TPM4: variants seen among roughly 807,000 people sequenced by gnomAD.
TPM4 encodes tropomyosin 4, also known as tropomyosin alpha-4 chain.
In TPM4, 17 loss-of-function variants were observed where a neutral mutation model predicts 35.8. That is an observed-to-expected ratio of 0.47 (90% CI 0.32 to 0.71). TPM4 has a LOEUF of 0.71. Ranked by LOEUF, TPM4 falls within the 30% of genes least tolerant of loss-of-function variation. The pLI is 0.03. For missense variants in TPM4, 240 were observed against 320.9 expected (o/e 0.75, Z 1.93); for synonymous variants, 120 against 122.9 (o/e 0.98, Z 0.15).
rs771854332 is a variant in TPM4 at position 16,095,262 on chromosome 19, A to C, written c.664+1509A>C. On this transcript the variant is annotated intron_variant, in intron 7 of 7. Transcript: ENST00000643579. Reference sequence around the variant, plus strand: ...GTCTCCCTGGGGACCTCCGCCCTCTAGATGAGTTATACGCTCAGAAGCTCA... The same window carrying C: ...GTCTCCCTGGGGACCTCCGCCCTCTCGATGAGTTATACGCTCAGAAGCTCA... 5.0e-5 allele frequency: 51 copies of C among 1,022,276 alleles called. No homozygotes were observed. The African/African-American group carries it at 8.5e-4, about 17-fold the overall frequency. 63.3% of individuals were successfully genotyped at this position (1,022,276 alleles called of 1,614,324 possible). A position where few individuals can be genotyped will look rare whatever the true frequency, so the allele number is the denominator to read the frequency against.
chr19:16,076,720 C>G (rs2090411415), intron 1 of TPM4, 23 bp downstream of exon 1: 2 of 1,315,538 alleles, frequency 1.5e-6, no homozygotes, highest in Non-Finnish European at 1.9e-6. Flanking sequence ...GCCTCGGGCC[C>G]CGCACCCGCA....
chr19:16,099,094 G>A (rs1599386511), intron 7 of TPM4, among the ~76,000 whole-genome samples: 1 of 151,866 alleles, frequency 6.6e-6, no homozygotes, highest in Admixed American at 6.6e-5. Context: ...GTGTGTGTGT[G>A]TGTGTGATGG....
intron 1 of TPM4, chr19:16,076,950 A>G (rs2090416049): frequency 1.4e-6 from 1 of 701,550 alleles, no homozygotes; most frequent in East Asian, 4.2e-5. Context: ...CCAAGCGGGA[A>G]ATGGGGGGAT....
In TPM4 at chr19:16,067,686, G is replaced by T; in HGVS notation, c.62G>T (p.Arg21Leu). The T allele has an allele frequency of 6.2e-7, 1 of 1,613,570 alleles. No individual in the cohort carries two copies. The highest frequency in any genetic ancestry group is 8.5e-7 in the Non-Finnish European group (1 of 1,179,852). ...TTGGACAAGGAGAATGCCATCGACC[G>T]CGCGGAGCAGGCGGAGGCGGATAAG... Residue 21 changes from arginine (R) to leucine (L), a missense_variant, in exon 2 of 3, where the codon CGC (arginine) becomes CTC (leucine). Coordinates refer to the TPM4 transcript ENST00000589897. This position sits in a 1 kb window ranked among gnomAD's most constrained non-coding sequence, Gnocchi z 4.1.
chr19:16,091,337 C>T (rs1005457286), intron 5 of TPM4, among the ~76,000 whole-genome samples: 1 of 152,152 alleles, frequency 6.6e-6, no homozygotes, highest in Non-Finnish European at 1.5e-5. Context: ...CAGGTGTGAG[C>T]CACTGTGCCC....
chr19:16,070,929 G>C lies in TPM4; in HGVS notation c.114+3191G>C, dbSNP rs1415210194. Among the ~76,000 whole-genome samples the C allele has an allele frequency of 6.6e-6, 1 of 152,202 alleles. No homozygotes were observed. The highest frequency in any genetic ancestry group is 1.5e-5 in the Non-Finnish European group (1 of 68,040). On this transcript the variant is annotated intron_variant, in intron 2 of 2. Transcript: ENST00000589897. This position sits in a 1 kb window ranked among gnomAD's most constrained non-coding sequence, Gnocchi z 7.4. ...GCCATCATTTAGCCCTCACCATGAG[G>C]GACTTAGCCAGAGATTCGGAGAGAA...
intron 5 of TPM4, among the ~76,000 whole-genome samples, chr19:16,089,380 C>T: frequency 6.6e-6 from 1 of 152,110 alleles, no homozygotes; most frequent in East Asian, 1.9e-4. Context: ...CTCTTCTTAG[C>T]GAGATCTGAG....
At chr19:16,084,647 T>G in intron 2 of TPM4, among the ~76,000 whole-genome samples, 1 of 152,214 alleles carries the variant, frequency 6.6e-6, no homozygotes, top group East Asian at 1.9e-4. Context: ...TACTTGAAGC[T>G]TGGGGATCTA....
chr19:16,079,637 T>A, intron 1 of TPM4: 1 of 218,392 alleles, frequency 4.6e-6, no homozygotes, highest in East Asian at 6.7e-5. Context: ...TTCGGCCACG[T>A]TAGCCTCATT....
In TPM4 at chr19:16,070,302, G is replaced by A. The variant is rs565887612; in HGVS notation, c.114+2564G>A. On this transcript the variant is annotated intron_variant, in intron 2 of 2. Coordinates refer to the TPM4 transcript ENST00000589897. This position sits in a 1 kb window ranked among gnomAD's most constrained non-coding sequence, Gnocchi z 7.4. ...TTCCAAGGCCGTGGCCATGGTTTGG[G>A]GCAGAGCAGACAGGAGCAGTGGGTG... Among the ~76,000 whole-genome samples, 2 of 152,132 alleles carry A rather than the reference G, an allele frequency of 1.3e-5. No individual in the cohort carries two copies. Among genetic ancestry groups the A allele is most frequent in the South Asian group, 2.1e-4 (1 of 4,832 alleles).
chr19:16,090,341 C>G (rs1282378464), intron 5 of TPM4, among the ~76,000 whole-genome samples: 1 of 150,606 alleles, frequency 6.6e-6, no homozygotes, highest in East Asian at 2.0e-4. Flanking sequence ...TGGTCTTAAA[C>G]TCCTGGCCTC....
upstream of TPM4, chr19:16,075,873 CAGGT>C: frequency 1.1e-6 from 1 of 932,374 alleles, no homozygotes; most frequent in Middle Eastern, 3.5e-4. Context: ...ATCCCACTAT[CAGGT>C]AGCATGGATG....
intron 2 of TPM4, among the ~76,000 whole-genome samples, chr19:16,069,506 T>G (rs1336430258): frequency 0.014 from 4 of 294 alleles, no homozygotes; most frequent in Non-Finnish European, 0.028. Context: ...GGTGTGTGTA[T>G]GATTGTGTGT....
chr19:16,096,294 G>A (rs2090695214), intron 7 of TPM4, among the ~76,000 whole-genome samples: 1 of 152,094 alleles, frequency 6.6e-6, no homozygotes, highest in Non-Finnish European at 1.5e-5. Flanking sequence ...TTGAACTGCT[G>A]GGCTCAGGCA....
Position 16,076,543 on chromosome 19 carries a change from GTGCGCCTC to G in TPM4, c.-14_-7del, listed in dbSNP as rs745459912. On this transcript the variant is annotated 5_prime_UTR_variant, in exon 1 of 8. Transcript: ENST00000643579. Reference sequence around the variant, plus strand: ...CCCAGCCGAGCGTCCGCCGCTGCCCGTGCGCCTCTGCGCCTCCGCGCCATGGCCGGCCT... The same window carrying G: ...CCCAGCCGAGCGTCCGCCGCTGCCCGTGCGCCTCCGCGCCATGGCCGGCCT... 3.8e-5 allele frequency: 54 copies of G among 1,437,926 alleles called. No individual in the cohort carries two copies. The highest frequency in any genetic ancestry group is 4.7e-5 in the Non-Finnish European group (52 of 1,099,220). The allele number at this position is 1,437,926 out of a possible 1,614,324, so 89.1% of individuals were successfully genotyped here. A position where few individuals can be genotyped will look rare whatever the true frequency, so the allele number is the denominator to read the frequency against.
At chr19:16,078,377 C>T (rs867565995) in intron 1 of TPM4, among the ~76,000 whole-genome samples, 11 of 152,166 alleles carry the variant, frequency 7.2e-5, no homozygotes, top group Middle Eastern at 3.4e-3. Context: ...AGGGTGGGGA[C>T]CCTAGAGAGG....
At chr19:16,077,020 C>G in intron 1 of TPM4, 1 of 283,168 alleles carries the variant, frequency 3.5e-6, no homozygotes, top group Non-Finnish European at 6.0e-6. Flanking sequence ...GGGGGCGTAT[C>G]GTGCAGGCTC....
chr19:16,069,455 T>C (rs1396088479), intron 2 of TPM4, among the ~76,000 whole-genome samples: 9 of 8,774 alleles, frequency 1.0e-3, no homozygotes, highest in Non-Finnish European at 2.8e-3. Context: ...GTGTTTCTAT[T>C]GGTGTGTGAA....
chr19:16,090,725 G>T (rs2090616677), intron 5 of TPM4, among the ~76,000 whole-genome samples: 1 of 151,920 alleles, frequency 6.6e-6, no homozygotes, highest in Non-Finnish European at 1.5e-5. Context: ...TTCCTTGCTA[G>T]ATTGTAAGTT....
Sources: allele counts gnomAD v4.1 joint callset (sites outside exome capture counted in the v4.1 genomes callset), GRCh38; gene constraint gnomAD v4.1.1; non-coding constraint Gnocchi (gnomAD v3.1); transcripts MANE v1.5; gene names NCBI Gene and HGNC (gene_info 2026-07-23, HGNC 2026-07-21).